Variants in NCALD observed in about 807,000 individuals in gnomAD.
NCALD encodes neurocalcin-delta.
In NCALD, 10 loss-of-function variants were observed where a neutral mutation model predicts 18.6. The ratio of observed to expected loss-of-function variants is 0.54; its 90% CI spans 0.33 to 0.91. NCALD has a LOEUF of 0.91. Among genes scored for constraint, NCALD ranks in the 40% least tolerant of loss-of-function variants. The probability of loss-of-function intolerance (pLI) is 0.03; values close to 1 mark genes in which losing one functional copy is unlikely to be tolerated. For missense variants in NCALD, 184 were observed against 247.6 expected (o/e 0.74, Z 1.72); for synonymous variants, 88 against 87.4 (o/e 1.01, Z -0.04).
intron 1 of NCALD, among the ~76,000 whole-genome samples, chr8:102,070,451 A>G (rs549106160): frequency 1.3e-5 from 2 of 152,050 alleles, no homozygotes; most frequent in Non-Finnish European, 2.9e-5. Flanking sequence ...AAGATGATCC[A>G]TATCTATTCA....
chr8:101,801,146 TTATAGAAATATA>T (rs1282846296), intron 4 of NCALD, among the ~76,000 whole-genome samples: 1 of 152,014 alleles, frequency 6.6e-6, no homozygotes, highest in Non-Finnish European at 1.5e-5. Flanking sequence ...CTATAGTACT[TTATAGAAATATA>T]AGCAAGAAGT....
chr8:101,866,183 A>G (rs1240273312), intron 4 of NCALD, among the ~76,000 whole-genome samples: 1 of 152,192 alleles, frequency 6.6e-6, no homozygotes, highest in Non-Finnish European at 1.5e-5. Context: ...CTCACCTCCC[A>G]GCATCATTTG....
Position 102,085,520 on chromosome 8 carries a change from C to T in NCALD, c.-210+38717G>A, listed in dbSNP as rs531488790. Among the ~76,000 whole-genome samples the T allele has an allele frequency of 5.9e-5, 9 of 151,966 alleles. No homozygotes were observed. The East Asian group carries it at 7.7e-4, about 13-fold the overall frequency. ...CTGTAATCCCAGCAATTTGGGAGGC[C>T]GAGGCAGGCAGATCACCTGAGGTCA... On this transcript the variant is annotated intron_variant, in intron 1 of 6. Coordinates refer to the NCALD transcript ENST00000311028.
intron 1 of NCALD, among the ~76,000 whole-genome samples, chr8:101,739,198 G>A (rs1323997471): frequency 1.3e-5 from 2 of 151,656 alleles, no homozygotes; most frequent in Non-Finnish European, 2.9e-5. Flanking sequence ...TCCCCACCAT[G>A]TCCTCATGGC....
At chr8:101,779,046 T>C (rs991718967) in intron 1 of NCALD, among the ~76,000 whole-genome samples, 29 of 152,180 alleles carry the variant, frequency 1.9e-4, no homozygotes, top group African/African-American at 6.8e-4. Flanking sequence ...TCCAGGTTGC[T>C]AGAAGACAGT....
chr8:101,803,959 G>C (rs1017689155), intron 4 of NCALD, among the ~76,000 whole-genome samples: 1 of 152,076 alleles, frequency 6.6e-6, no homozygotes, highest in East Asian at 1.9e-4. Flanking sequence ...ATGAAAGGAA[G>C]AGCCAACCGA....
chr8:101,702,115 AT>A (rs1195411928), intron 2 of NCALD, among the ~76,000 whole-genome samples: 1 of 152,106 alleles, frequency 6.6e-6, no homozygotes, highest in African/African-American at 2.4e-5. Flanking sequence ...TCCATGTAAG[AT>A]TTCACGTAAG....
intron 1 of NCALD, among the ~76,000 whole-genome samples, chr8:101,785,370 A>G (rs1812183291): frequency 6.6e-6 from 1 of 152,160 alleles, no homozygotes. Flanking sequence ...TGCCAAGTAA[A>G]TTGACTCAAA....
intron 1 of NCALD, among the ~76,000 whole-genome samples, chr8:102,068,473 T>TC (rs1824079961): frequency 6.6e-6 from 1 of 152,192 alleles, no homozygotes; most frequent in Admixed American, 6.5e-5. Context: ...GAATGTTCTT[T>TC]CCTCTGTTCT....
chr8:101,831,934 G>A (rs1014368342), intron 4 of NCALD, among the ~76,000 whole-genome samples: 7 of 152,348 alleles, frequency 4.6e-5, no homozygotes, highest in African/African-American at 1.2e-4. Flanking sequence ...ATGATTCACA[G>A]AGCAGCTCTT....
Position 101,890,326 on chromosome 8 carries a change from A to G in NCALD, c.-106-3099T>C, listed in dbSNP as rs78746161. Among the ~76,000 whole-genome samples, 50 of 152,324 alleles carry G rather than the reference A, an allele frequency of 3.3e-4. 1 individual carries two copies. The East Asian group carries it at 8.7e-3, about 26-fold the overall frequency. On this transcript the variant is annotated intron_variant, in intron 3 of 6. Coordinates refer to the NCALD transcript ENST00000311028. Reference sequence around the variant, plus strand: ...ACTGATAGTGGGGGTAGAAATTGATATAACCACTTGGAACAATTTAACCTT... The same window carrying G: ...ACTGATAGTGGGGGTAGAAATTGATGTAACCACTTGGAACAATTTAACCTT...
At chr8:102,011,135 G>T (rs1299190649) in intron 2 of NCALD, among the ~76,000 whole-genome samples, 2 of 152,080 alleles carry the variant, frequency 1.3e-5, no homozygotes, top group Non-Finnish European at 2.9e-5. Context: ...ACCTCACGGA[G>T]TCCTCTTTGA....
upstream of NCALD, among the ~76,000 whole-genome samples, chr8:101,794,378 C>A (rs905505494): frequency 6.6e-6 from 1 of 151,880 alleles, no homozygotes; most frequent in East Asian, 1.9e-4. Flanking sequence ...TTTCTTCCTA[C>A]TAATAGGGAA....
At chr8:101,866,059 GA>G (rs977447377) in intron 4 of NCALD, among the ~76,000 whole-genome samples, 6 of 152,104 alleles carry the variant, frequency 3.9e-5, no homozygotes, top group Non-Finnish European at 8.8e-5. Flanking sequence ...TAGAGTTGTT[GA>G]AGGAGCCTCA....
chr8:102,042,786 A>T (rs2132183445), intron 1 of NCALD, among the ~76,000 whole-genome samples: 1 of 131,164 alleles, frequency 7.6e-6, no homozygotes, highest in South Asian at 2.5e-4. Context: ...GCAAAGGGTA[A>T]GGGCAGAAAG....
chr8:101,770,922 G>C lies in NCALD; in HGVS notation c.-20+19940C>G, dbSNP rs368357559. Among the ~76,000 whole-genome samples the C allele has an allele frequency of 6.2e-4, 94 of 152,250 alleles. 2 individuals carry two copies. The South Asian group carries it at 0.019, about 31-fold the overall frequency. On this transcript the variant is annotated intron_variant, in intron 1 of 3. Coordinates refer to ENST00000220931, the MANE Select transcript of NCALD (RefSeq NM_032041.3). ...AGAAAATATGGCCATTGTATTTTAT[G>C]CATTGTTATGTGTGATAATAAGGTT...
chr8:101,987,877 G>C (rs1210042779), intron 2 of NCALD, among the ~76,000 whole-genome samples: 2 of 152,178 alleles, frequency 1.3e-5, no homozygotes, highest in African/African-American at 4.8e-5. Context: ...ACTCATGGCC[G>C]GGCGCGGTGG....
At chr8:101,769,739 T>C (rs965243628) in intron 1 of NCALD, among the ~76,000 whole-genome samples, 2 of 152,182 alleles carry the variant, frequency 1.3e-5, no homozygotes, top group Non-Finnish European at 2.9e-5. Context: ...ATTTTGATTC[T>C]AATAAATGAC....
At chr8:101,874,303 T>C (rs963185944) in intron 4 of NCALD, among the ~76,000 whole-genome samples, 6 of 152,178 alleles carry the variant, frequency 3.9e-5, no homozygotes, top group African/African-American at 9.7e-5. Flanking sequence ...AACTTTTCCA[T>C]TGTGAAGGTT....
Sources: allele counts gnomAD v4.1 joint callset (sites outside exome capture counted in the v4.1 genomes callset), GRCh38; gene constraint gnomAD v4.1.1; transcripts MANE v1.5; gene names NCBI Gene and HGNC (gene_info 2026-07-23, HGNC 2026-07-21).